Variants in PLG observed in about 807,000 individuals in gnomAD.
PLG encodes plasminogen, also known as plasmin.
A neutral mutation model predicts 104.4 loss-of-function variants in PLG; 41 were observed. That is an observed-to-expected ratio of 0.39 (90% CI 0.31 to 0.51). PLG has a LOEUF of 0.51. Among genes scored for constraint, PLG ranks in the 20% least tolerant of loss-of-function variants. PLG has a pLI of 0.76. For synonymous variants in PLG, 337 were observed against 357.1 expected (o/e 0.94, Z 0.63); for missense variants, 891 against 1,003.6 (o/e 0.89, Z 1.52).
At position 160,738,667 on chromosome 6, in the gene PLG, T is replaced by C. The variant is rs946689387; in HGVS notation, c.1877+55T>C. The stretch of plus-strand genomic sequence containing the variant: ...CTTGTCTTAAATACTTTTTCTGTCC[T>C]TCTTTTCCTCCTTTCCTCCTTTCCT... On this transcript the variant is annotated intron_variant, in intron 15 of 18. Coordinates refer to ENST00000308192, the MANE Select transcript of PLG (RefSeq NM_000301.5). This position sits in a 1 kb window ranked among gnomAD's most constrained non-coding sequence, Gnocchi z 6.8. 5 of 1,154,666 alleles carry C rather than the reference T, an allele frequency of 4.3e-6. No individual in the cohort carries two copies. The highest frequency in any genetic ancestry group is 1.7e-5 in the Admixed American group (1 of 59,440). The allele number at this position is 1,154,666 out of a possible 1,614,324, so 71.5% of individuals were successfully genotyped here. A position where few individuals can be genotyped will look rare whatever the true frequency, so the allele number is the denominator to read the frequency against.
chr6:160,708,622 A>G (rs1342656322), intron 3 of PLG: 11 of 152,220 alleles, frequency 7.2e-5, no homozygotes, highest in Admixed American at 6.5e-4. Flanking sequence ...TAATAGTAAC[A>G]ATTTAGCTCT....
chr6:160,738,563 A>G lies in PLG; in HGVS notation c.1828A>G (p.Thr610Ala). ...GTTTGGAATGCACTTCTGTGGAGGC[A>G]CCTTGATATCCCCAGAGTGGGTGTT... is the stretch of plus-strand genomic sequence containing the variant. ...TRFGMHFCGGTLISPEWVLTA... is the reference protein window; with the variant it reads ...TRFGMHFCGGALISPEWVLTA... The change falls in exon 15 of 19, where the codon ACC becomes GCC. Residue 610 changes from threonine to alanine, a missense_variant. Physicochemically the swap from Thr to Ala is moderately conservative, Grantham distance 58. Transcript: ENST00000308192. The surrounding 1 kb of genome is among the most constrained non-coding windows in gnomAD (Gnocchi z 6.8). 6.2e-7 allele frequency: 1 copy of G among 1,611,588 alleles called. No homozygotes were observed. Among genetic ancestry groups the G allele is most frequent in the Non-Finnish European group, 8.5e-7 (1 of 1,177,630 alleles).
rs1222547496 is a variant in PLG, at chr6:160,726,213, A to T, written c.1256+3646A>T. Among the ~76,000 whole-genome samples the T allele has an allele frequency of 6.6e-6, 1 of 152,148 alleles. No homozygotes were observed. Among genetic ancestry groups the T allele is most frequent in the Non-Finnish European group, 1.5e-5 (1 of 67,972 alleles). On this transcript the variant is annotated intron_variant, in intron 10 of 18. Transcript: ENST00000308192. This position sits in a 1 kb window ranked among gnomAD's most constrained non-coding sequence, Gnocchi z 4.4. The stretch of plus-strand genomic sequence containing the variant: ...GTGTGGGCCTACAGCAAGTCTTAAT[A>T]GATTGAAAAGAATTAAAATGATACA...
rs1213954280 is a variant in PLG, at chr6:160,726,875, A to C, written c.1257-4176A>C. On this transcript the variant is annotated intron_variant, in intron 10 of 18. Transcript: ENST00000308192. The surrounding 1 kb of genome is among the most constrained non-coding windows in gnomAD (Gnocchi z 4.4). ...TTGATTTAAGATAACTTAAACATCT[A>C]GAAAAGGAGAAGCAAATAAGATCCA... Among the ~76,000 whole-genome samples the C allele has an allele frequency of 6.6e-6, 1 of 152,008 alleles. No individual in the cohort carries two copies. The highest frequency in any genetic ancestry group is 1.5e-5 in the Non-Finnish European group (1 of 67,862).
chr6:160,745,989 A>C (rs997963207), intron 17 of PLG, among the ~76,000 whole-genome samples: 1 of 152,130 alleles, frequency 6.6e-6, no homozygotes, highest in Non-Finnish European at 1.5e-5. Flanking sequence ...TTCAGTTGAG[A>C]GGTATGCTGT....
At chr6:160,721,598 G>A (rs1348948940) in intron 9 of PLG, among the ~76,000 whole-genome samples, 1 of 152,184 alleles carries the variant, frequency 6.6e-6, no homozygotes, top group African/African-American at 2.4e-5. Context: ...CACTACAGAG[G>A]AGATATCTTC....
chr6:160,737,330 T>C lies in PLG; in HGVS notation c.1802+323T>C, dbSNP rs897876804. Among the ~76,000 whole-genome samples the C allele has an allele frequency of 6.6e-6, 1 of 152,190 alleles. No homozygotes were observed. The highest frequency in any genetic ancestry group is 1.5e-5 in the Non-Finnish European group (1 of 68,032). On this transcript the variant is annotated intron_variant, in intron 14 of 18. Transcript: ENST00000308192. The surrounding 1 kb of genome is among the most constrained non-coding windows in gnomAD (Gnocchi z 4.7). ...CTCTGAGGATTTCTATGGATATCCA[T>C]TGTCTCATTGTCAGATGAAAAGAGG...
intron 17 of PLG, among the ~76,000 whole-genome samples, chr6:160,749,851 CCAT>C (rs1778371460): frequency 6.7e-6 from 1 of 150,248 alleles, no homozygotes; most frequent in Non-Finnish European, 1.5e-5. Flanking sequence ...ATTACCACCA[CCAT>C]CACTACCACC....
Position 160,738,917 on chromosome 6 carries a change from C to A in PLG, c.1878-151C>A. 1.1e-6 allele frequency: 1 copy of A among 896,390 alleles called. No homozygotes were observed. Among genetic ancestry groups the A allele is most frequent in the Non-Finnish European group, 1.8e-6 (1 of 543,564 alleles). The allele number at this position is 896,390 out of a possible 1,614,324, so 55.5% of individuals were successfully genotyped here. On this transcript the variant is annotated intron_variant, in intron 15 of 18. Coordinates refer to ENST00000308192, the MANE Select transcript of PLG (RefSeq NM_000301.5). The surrounding 1 kb of genome is among the most constrained non-coding windows in gnomAD (Gnocchi z 6.8). ...AAGAACATTCCTTAACTGCCTGTTT[C>A]AAGCAAATCATGAATTTTGCTTCTT... is the stretch of plus-strand genomic sequence containing the variant.
chr6:160,735,760 G>A lies in PLG; in HGVS notation c.1682-1127G>A, dbSNP rs1015754609. On this transcript the variant is annotated intron_variant, in intron 13 of 18. Coordinates refer to ENST00000308192, the MANE Select transcript of PLG (RefSeq NM_000301.5). The surrounding 1 kb of genome is among the most constrained non-coding windows in gnomAD (Gnocchi z 5.4). Reference sequence around the variant, plus strand: ...GAAACATTCAGTTTTGTTTTGAATAGTAGGAGCAGGGTACCATCATTTCTG... The same window carrying A: ...GAAACATTCAGTTTTGTTTTGAATAATAGGAGCAGGGTACCATCATTTCTG... Among the ~76,000 whole-genome samples, 2 of 152,212 alleles carry A rather than the reference G, an allele frequency of 1.3e-5. No homozygotes were observed. The highest frequency in any genetic ancestry group is 2.4e-5 in the African/African-American group (1 of 41,456).
rs1220531305 is a variant in PLG, at chr6:160,744,483, T to G, written c.2125+3066T>G. On this transcript the variant is annotated intron_variant, in intron 17 of 18. Coordinates refer to ENST00000308192, the MANE Select transcript of PLG (RefSeq NM_000301.5). The surrounding 1 kb of genome is among the most constrained non-coding windows in gnomAD (Gnocchi z 4.5). ...TAGTAGTTTCTGATGGTTATTTTTA[T>G]TTTTGTGGCATCAGTGCTAACATCC... Among the ~76,000 whole-genome samples the G allele has an allele frequency of 6.6e-6, 1 of 152,178 alleles. No individual in the cohort carries two copies. The highest frequency in any genetic ancestry group is 1.5e-5 in the Non-Finnish European group (1 of 68,024).
At chr6:160,729,114 G>A (rs567336136) in intron 10 of PLG, among the ~76,000 whole-genome samples, 18 of 151,840 alleles carry the variant, frequency 1.2e-4, no homozygotes, top group Non-Finnish European at 2.4e-4. Flanking sequence ...AATTTCTCAG[G>A]GAACGATGGA....
At position 160,748,378 on chromosome 6, in the gene PLG, A is replaced by AAGAGAGAGAGAG. The variant is rs1405091216; in HGVS notation, c.2126-3734_2126-3733insGAGAGAGAGAGA. On this transcript the variant is annotated intron_variant, in intron 17 of 18. Transcript: ENST00000308192. ...AAAGAAAGAAAGAAAGAAAGAAAGA[A>AAGAGAGAGAGAG]AGAAAGAAAGAAAGAAAGAAAGGAA... is the stretch of plus-strand genomic sequence containing the variant. Among the ~76,000 whole-genome samples the AAGAGAGAGAGAG allele has an allele frequency of 9.6e-4, 40 of 41,782 alleles. No homozygotes were observed. The East Asian group carries it at 0.025, about 26-fold the overall frequency. 27.4% of individuals were successfully genotyped at this position (41,782 alleles called of 152,430 possible).
rs905263176 is a variant in PLG at position 160,731,293 on chromosome 6, A to T, written c.1438+61A>T. The T allele has an allele frequency of 7.1e-7, 1 of 1,405,558 alleles. No individual in the cohort carries two copies. The highest frequency in any genetic ancestry group is 1.0e-6 in the Non-Finnish European group (1 of 990,578). 87.1% of individuals were successfully genotyped at this position (1,405,558 alleles called of 1,614,324 possible). ...ACGCTGGGATGAAAAGCCATGGAAAATCTCACTGATGCAGAAACCTTCCAT... is the reference window on the plus strand; with the variant it reads ...ACGCTGGGATGAAAAGCCATGGAAATTCTCACTGATGCAGAAACCTTCCAT... On this transcript the variant is annotated intron_variant, in intron 11 of 18. Coordinates refer to ENST00000308192, the MANE Select transcript of PLG (RefSeq NM_000301.5). The surrounding 1 kb of genome is among the most constrained non-coding windows in gnomAD (Gnocchi z 5.1).
chr6:160,709,703 C>A (rs1248738289), intron 3 of PLG, among the ~76,000 whole-genome samples: 1 of 152,184 alleles, frequency 6.6e-6, no homozygotes, highest in Non-Finnish European at 1.5e-5. Flanking sequence ...TCACAAAGTA[C>A]CTTGAGTTTA....
In PLG at chr6:160,748,133, C is replaced by T. The variant is rs556969863; in HGVS notation, c.2126-3982C>T. Among the ~76,000 whole-genome samples the T allele has an allele frequency of 2.6e-5, 4 of 151,408 alleles. No homozygotes were observed. In the East Asian group the frequency reaches 7.8e-4, roughly 30 times the overall value. ...GAGCCTGACCAACACGGTGAAACCC[C>T]GTCTCTACTAAAAATACAAAAATTA... On this transcript the variant is annotated intron_variant, in intron 17 of 18. Transcript: ENST00000308192.
chr6:160,734,640 C>G lies in PLG; in HGVS notation c.1681+552C>G, dbSNP rs1039588063. On this transcript the variant is annotated intron_variant, in intron 13 of 18. Transcript: ENST00000308192. This position sits in a 1 kb window ranked among gnomAD's most constrained non-coding sequence, Gnocchi z 4.4. ...TAGAGACTGCTTGTTGGGTTCCATC[C>G]TCATTGCTCTGAGACTCTTGTTGGG... Among the ~76,000 whole-genome samples the G allele has an allele frequency of 6.6e-6, 1 of 151,632 alleles. No homozygotes were observed. Among genetic ancestry groups the G allele is most frequent in the Admixed American group, 6.6e-5 (1 of 15,220 alleles).
intron 10 of PLG, among the ~76,000 whole-genome samples, chr6:160,722,989 T>TTA (rs775979565): frequency 2.6e-5 from 4 of 151,986 alleles, no homozygotes; most frequent in South Asian, 4.2e-4. Flanking sequence ...TAAATATACT[T>TTA]TATATATATA....
At chr6:160,722,859 G>A (rs1252406806) in intron 10 of PLG, among the ~76,000 whole-genome samples, 2 of 152,066 alleles carry the variant, frequency 1.3e-5, no homozygotes, top group South Asian at 2.1e-4. Context: ...CTTAGAAACA[G>A]TACCATTCCA....
Sources: gnomAD v4.1 joint callset for allele counts (sites outside exome capture counted in the v4.1 genomes callset) on GRCh38, gnomAD v4.1.1 for gene constraint, Gnocchi (gnomAD v3.1) non-coding constraint, MANE v1.5 for transcripts, NCBI Gene and HGNC (gene_info 2026-07-23, HGNC 2026-07-21) for gene names.